Variants in MTA3 observed in about 807,000 individuals in gnomAD.
MTA3 encodes metastasis-associated protein MTA3.
In MTA3, 34 loss-of-function variants were observed where a neutral mutation model predicts 83.5. The observed-to-expected ratio is 0.41, with a 90% CI of 0.31 to 0.54. The LOEUF is 0.54. Ranked by LOEUF, MTA3 falls within the 20% of genes least tolerant of loss-of-function variation. The probability of loss-of-function intolerance (pLI) is 0.33; values close to 1 mark genes in which losing one functional copy is unlikely to be tolerated. For missense variants in MTA3, 761 were observed against 726.4 expected (o/e 1.05, Z -0.55); for synonymous variants, 303 against 252.7 (o/e 1.20, Z -1.89).
At chr2:42,662,600 G>C (rs1246555491) in intron 8 of MTA3, among the ~76,000 whole-genome samples, 1 of 151,730 alleles carries the variant, frequency 6.6e-6, no homozygotes, top group Non-Finnish European at 1.5e-5. Context: ...TTGTTTTGTA[G>C]ATCTATTTTT....
intron 8 of MTA3, among the ~76,000 whole-genome samples, chr2:42,672,347 A>AG (rs1210322806): frequency 6.6e-6 from 1 of 151,600 alleles, no homozygotes; most frequent in Non-Finnish European, 1.5e-5. Context: ...CTCTATTAAA[A>AG]AAAAAAAAAA....
intron 2 of MTA3, among the ~76,000 whole-genome samples, chr2:42,526,670 C>T (rs749722814): frequency 5.9e-5 from 9 of 152,052 alleles, no homozygotes; most frequent in Non-Finnish European, 1.3e-4. Flanking sequence ...GGTTAGGCAC[C>T]GTTCTAGTAT....
intron 2 of MTA3, among the ~76,000 whole-genome samples, chr2:42,549,865 G>A (rs1677036353): frequency 6.6e-6 from 1 of 150,646 alleles, no homozygotes; most frequent in Non-Finnish European, 1.5e-5. Context: ...ACCCAACTCC[G>A]TCCCACCTGG....
chr2:42,510,273 C>T (rs1238479092), intron 2 of MTA3, among the ~76,000 whole-genome samples: 11 of 146,776 alleles, frequency 7.5e-5, no homozygotes, highest in African/African-American at 2.5e-4. Context: ...TTGCAGTGAG[C>T]TGAGATTGCA....
intron 4 of MTA3, among the ~76,000 whole-genome samples, chr2:42,618,269 T>G (rs1477529291): frequency 6.6e-6 from 1 of 152,148 alleles, no homozygotes; most frequent in African/African-American, 2.4e-5. Context: ...TTCCTAGTAG[T>G]AAAAACGTAG....
chr2:42,508,343 T>A (rs894264038), intron 2 of MTA3, among the ~76,000 whole-genome samples: 1 of 152,172 alleles, frequency 6.6e-6, no homozygotes. Context: ...TATTTTTTTC[T>A]TTTTCTTTGA....
chr2:42,570,156 G>A (rs897924157), intron 1 of MTA3, among the ~76,000 whole-genome samples: 3 of 152,106 alleles, frequency 2.0e-5, no homozygotes, highest in African/African-American at 4.8e-5. Flanking sequence ...GTGATAAGAG[G>A]TGTCTTTTTT....
chr2:42,504,341 G>T (rs1302106473), intron 2 of MTA3, among the ~76,000 whole-genome samples: 1 of 152,078 alleles, frequency 6.6e-6, no homozygotes, highest in African/African-American at 2.4e-5. Context: ...CCAGGTTCAC[G>T]TGATTCTCCT....
At chr2:42,646,020 G>A (rs969838946) in intron 6 of MTA3, among the ~76,000 whole-genome samples, 7 of 152,094 alleles carry the variant, frequency 4.6e-5, no homozygotes, top group African/African-American at 7.2e-5. Context: ...GCCAATCCTC[G>A]TTTACCATTC....
At chr2:42,495,399 A>T (rs1048933788) in intron 2 of MTA3, 6 of 152,400 alleles carry the variant, frequency 3.9e-5, no homozygotes, top group Admixed American at 2.6e-4. Flanking sequence ...GTTATTTGCT[A>T]CTTTAGTATC....
chr2:42,554,119 A>G (rs1323150554), intron 2 of MTA3, among the ~76,000 whole-genome samples: 1 of 151,906 alleles, frequency 6.6e-6, no homozygotes, highest in South Asian at 2.1e-4. Context: ...CTGTAATCCC[A>G]GCTACTCGGG....
chr2:42,715,683 A>C (rs1666978717), intron 14 of MTA3, among the ~76,000 whole-genome samples: 1 of 152,194 alleles, frequency 6.6e-6, no homozygotes. Flanking sequence ...GAGAAATTAG[A>C]AGCAAATATA....
intron 6 of MTA3, among the ~76,000 whole-genome samples, chr2:42,649,018 A>G (rs893642065): frequency 5.3e-5 from 8 of 152,120 alleles, no homozygotes; most frequent in African/African-American, 1.7e-4. Flanking sequence ...GCGATGAGCA[A>G]ATGAGGTAAT....
At chr2:42,626,507 A>G (rs1490087458) in intron 4 of MTA3, among the ~76,000 whole-genome samples, 1 of 151,270 alleles carries the variant, frequency 6.6e-6, no homozygotes, top group African/African-American at 2.4e-5. Context: ...CATGTTGGCC[A>G]GGCTGGTCTC....
At chr2:42,747,206 GC>G (rs1284500062) in intron 16 of MTA3, among the ~76,000 whole-genome samples, 3 of 152,050 alleles carry the variant, frequency 2.0e-5, no homozygotes, top group Non-Finnish European at 4.4e-5. Context: ...CGCCATGTTG[GC>G]CAGGCTGGTC....
chr2:42,634,638 A>C (rs1276805822), intron 4 of MTA3, among the ~76,000 whole-genome samples: 2 of 152,160 alleles, frequency 1.3e-5, no homozygotes, highest in East Asian at 3.8e-4. Flanking sequence ...GAGCCAAACC[A>C]TATCACCCCC....
At chr2:42,593,882 C>G (rs4953488) in intron 3 of MTA3, among the ~76,000 whole-genome samples, 115,478 of 151,476 alleles carry the variant, frequency 0.76, 44,547 homozygotes, top group South Asian at 0.88. Flanking sequence ...TTCAGATATT[C>G]TTCCAATTTA....
intron 4 of MTA3, among the ~76,000 whole-genome samples, chr2:42,628,455 A>G (rs1053247443): frequency 6.6e-6 from 1 of 152,012 alleles, no homozygotes. Context: ...GCTGGTCTCA[A>G]ACTGCTGACT....
intron 16 of MTA3, among the ~76,000 whole-genome samples, chr2:42,743,591 C>A (rs1573830582): frequency 6.6e-6 from 1 of 152,134 alleles, no homozygotes; most frequent in African/African-American, 2.4e-5. Context: ...GTTTATTTTT[C>A]TTATTTATTT....
Sources: allele counts gnomAD v4.1 joint callset (sites outside exome capture counted in the v4.1 genomes callset), GRCh38; gene constraint gnomAD v4.1.1; transcripts MANE v1.5; gene names NCBI Gene and HGNC (gene_info 2026-07-23, HGNC 2026-07-21).